Variants in CTNNA3 observed in about 807,000 individuals in gnomAD.
CTNNA3 encodes the protein catenin alpha-3.
Under a neutral mutation model 95.7 loss-of-function variants are expected in CTNNA3, and 76 were observed. The ratio of observed to expected loss-of-function variants is 0.79; its 90% confidence interval spans 0.66 to 0.96. The LOEUF is 0.96. CTNNA3 is among the 40% of genes least tolerant of loss of function. CTNNA3 has a pLI of 0.00. For synonymous variants in CTNNA3, 431 were observed against 374.4 expected, an observed-to-expected ratio of 1.15 and a Z score of -1.74; for missense variants, 1,191 against 1,089.8, an observed-to-expected ratio of 1.09 and a Z score of -1.31.
At chr10:67,057,314 G>C (rs907695108) in intron 7 of CTNNA3, among the ~76,000 whole-genome samples, 2 of 152,030 alleles carry the variant, frequency 1.3e-5, no homozygotes, top group African/African-American at 4.8e-5. Context: ...CTTAGCATAT[G>C]TCAAGTATAC....
intron 12 of CTNNA3, among the ~76,000 whole-genome samples, chr10:66,333,646 C>T (rs906121658): frequency 6.6e-6 from 1 of 151,762 alleles, no homozygotes; most frequent in Non-Finnish European, 1.5e-5. Flanking sequence ...GCTTTACTTC[C>T]AACTATGTGG....
intron 2 of CTNNA3, among the ~76,000 whole-genome samples, chr10:67,616,828 T>A (rs1158522758): frequency 6.6e-6 from 1 of 152,212 alleles, no homozygotes; most frequent in Non-Finnish European, 1.5e-5. Flanking sequence ...TCAATTTAAT[T>A]GTTCACTTGT....
chr10:66,991,888 T>C (rs919754466), intron 7 of CTNNA3, among the ~76,000 whole-genome samples: 4 of 152,188 alleles, frequency 2.6e-5, no homozygotes, highest in African/African-American at 4.8e-5. Flanking sequence ...AGAAATCTCA[T>C]TCTAGAAAAG....
rs758173783 is a variant in CTNNA3, at chr10:67,180,429, G to A, written c.935C>T (p.Ala312Val). 9.9e-6 allele frequency: 16 copies of A among 1,613,776 alleles called. No homozygotes were observed. The highest frequency in any genetic ancestry group is 2.7e-5 in the African/African-American group (2 of 74,910). Residue 312 changes from alanine (A) to valine (V), a missense_variant, in exon 7 of 18, where the codon GCT (alanine) becomes GTT (valine). Transcript: ENST00000433211. The part of the protein sequence containing the change: ...KRLEAIISGA[A>V]LLADSSCTRD... ...CGTACATGAAGAATCCGCCAGCAGA[G>A]CAGCCCCACTGATAATGGCTTCAAG...
chr10:66,976,080 CTTACTG>C (rs1850012223), intron 7 of CTNNA3, among the ~76,000 whole-genome samples: 2 of 151,718 alleles, frequency 1.3e-5, no homozygotes, highest in African/African-American at 4.8e-5. Flanking sequence ...TTGTTGAATA[CTTACTG>C]TTAGGTGCTA....
intron 7 of CTNNA3, among the ~76,000 whole-genome samples, chr10:67,012,132 C>T (rs1331539894): frequency 6.6e-6 from 1 of 152,206 alleles, no homozygotes; most frequent in Non-Finnish European, 1.5e-5. Flanking sequence ...ACATTCTTAT[C>T]CACTGTGCAG....
intron 5 of CTNNA3, among the ~76,000 whole-genome samples, chr10:67,371,112 C>T (rs1289714650): frequency 1.3e-5 from 2 of 151,616 alleles, no homozygotes; most frequent in African/African-American, 4.8e-5. Flanking sequence ...TTGATCCGCC[C>T]GCCTCGGCCT....
intron 2 of CTNNA3, among the ~76,000 whole-genome samples, chr10:67,624,245 C>T (rs1394778487): frequency 6.6e-6 from 1 of 152,142 alleles, no homozygotes; most frequent in African/African-American, 2.4e-5. Context: ...CTGGTCCCTT[C>T]CCTGAGTTTT....
intron 5 of CTNNA3, among the ~76,000 whole-genome samples, chr10:67,294,286 C>G (rs1839952433): frequency 6.6e-6 from 1 of 151,938 alleles, no homozygotes; most frequent in African/African-American, 2.4e-5. Context: ...AGTAAATATA[C>G]CAATAGACAC....
chr10:67,394,082 C>A (rs142740232), intron 5 of CTNNA3, among the ~76,000 whole-genome samples: 5 of 151,998 alleles, frequency 3.3e-5, no homozygotes, highest in African/African-American at 1.2e-4. Context: ...AGACCAGTTG[C>A]GGATATATGG....
At chr10:67,198,314 A>G (rs1589852266) in intron 6 of CTNNA3, among the ~76,000 whole-genome samples, 1 of 152,276 alleles carries the variant, frequency 6.6e-6, no homozygotes, top group South Asian at 2.1e-4. Flanking sequence ...TGGAGAAAGC[A>G]CTGGTGGAGG....
intron 13 of CTNNA3, among the ~76,000 whole-genome samples, chr10:66,157,496 T>C (rs2084592527): frequency 7.2e-4 from 2 of 2,796 alleles, no homozygotes; most frequent in African/African-American, 2.1e-3. Context: ...GATATGTAGA[T>C]AGATAGATAG....
intron 9 of CTNNA3, among the ~76,000 whole-genome samples, chr10:66,643,679 T>C (rs1423569694): frequency 6.6e-6 from 1 of 152,162 alleles, no homozygotes; most frequent in African/African-American, 2.4e-5. Flanking sequence ...TATTCTAAGC[T>C]TTCTCTGCTG....
At chr10:67,574,259 A>G (rs1021376543) in intron 3 of CTNNA3, among the ~76,000 whole-genome samples, 2 of 152,128 alleles carry the variant, frequency 1.3e-5, no homozygotes, top group Non-Finnish European at 2.9e-5. Context: ...TCGTATGCTT[A>G]TATCTCTTTT....
At chr10:67,301,635 G>GTATA (rs112854094) in intron 5 of CTNNA3, among the ~76,000 whole-genome samples, 1 of 151,104 alleles carries the variant, frequency 6.6e-6, no homozygotes, top group Non-Finnish European at 1.5e-5. Flanking sequence ...AGAAAAAGTG[G>GTATA]TATATATATA....
At chr10:67,267,531 A>AT (rs752686199) in intron 5 of CTNNA3, among the ~76,000 whole-genome samples, 1 of 151,874 alleles carries the variant, frequency 6.6e-6, no homozygotes, top group East Asian at 1.9e-4. Context: ...TGCCTGGCTA[A>AT]TTTTTTTGTA....
chr10:65,990,391 G>GT (rs200243700), intron 15 of CTNNA3, among the ~76,000 whole-genome samples: 16,657 of 139,716 alleles, frequency 0.12, 1,093 homozygotes, highest in East Asian at 0.21. Context: ...GCCAGCATCT[G>GT]TTTTTTTTTT....
chr10:67,443,755 A>G (rs1846627949), intron 5 of CTNNA3, among the ~76,000 whole-genome samples: 1 of 151,680 alleles, frequency 6.6e-6, no homozygotes, highest in Non-Finnish European at 1.5e-5. Context: ...TTGCCTGTTC[A>G]CTCTGATGGT....
At position 67,522,037 on chromosome 10, in the gene CTNNA3, A is replaced by C. The variant is rs543465121; in HGVS notation, c.460-76T>G. 2.1e-6 allele frequency: 3 copies of C among 1,453,166 alleles called. No individual in the cohort carries two copies. The South Asian group carries it at 3.8e-5, about 18-fold the overall frequency. The allele number at this position is 1,453,166 out of a possible 1,614,324, so 90.0% of individuals were successfully genotyped here. ...AAATTCTCAACTTGCTAACACGAAG[A>C]GTCGATAATGAGCCTCAGTTTCTCC... On this transcript the variant is annotated intron_variant, in intron 4 of 17. Coordinates refer to ENST00000433211, the MANE Select transcript of CTNNA3 (RefSeq NM_013266.4).
Sources: allele counts gnomAD v4.1 joint callset (sites outside exome capture counted in the v4.1 genomes callset), GRCh38; gene constraint gnomAD v4.1.1; transcripts MANE v1.5; gene names NCBI Gene and HGNC (gene_info 2026-07-23, HGNC 2026-07-21).